TENT2: variants seen among roughly 807,000 people sequenced by gnomAD.
TENT2 encodes poly(A) RNA polymerase GLD2.
TENT2 carries 44 observed loss-of-function variants against 72.2 expected under a neutral mutation model. The observed-to-expected ratio is 0.61, with a 90% confidence interval of 0.48 to 0.78. The LOEUF (loss-of-function observed/expected upper bound fraction) is 0.78, where lower values mean the gene tolerates loss of function less well. Among genes scored for constraint, TENT2 ranks in the 30% least tolerant of loss-of-function variants. The probability of loss-of-function intolerance (pLI) is 0.00; values close to 1 mark genes in which losing one functional copy is unlikely to be tolerated. For missense variants in TENT2, 541 were observed against 569.6 expected (o/e 0.95, Z 0.51); for synonymous variants, 212 against 192.5 (o/e 1.10, Z -0.84).
At chr5:79,684,550 C>T (rs932783374) in intron 14 of TENT2, among the ~76,000 whole-genome samples, 1 of 152,180 alleles carries the variant, frequency 6.6e-6, no homozygotes, top group African/African-American at 2.4e-5. Flanking sequence ...GACACTATAC[C>T]CAGTCTCATA....
intron 6 of TENT2, 89 bp downstream of exon 6, chr5:79,641,285 C>A: frequency 8.6e-7 from 1 of 1,156,690 alleles, no homozygotes; most frequent in Non-Finnish European, 1.2e-6. Flanking sequence ...AAAAAACTTG[C>A]TTTGTTGTGA....
chr5:79,614,999 ACCTT>A (rs1282413451), intron 1 of TENT2: 6 of 152,186 alleles, frequency 3.9e-5, no homozygotes, highest in Non-Finnish European at 7.3e-5. Context: ...CTTGAAGCCT[ACCTT>A]CTTTAAAAAG....
At chr5:79,634,760 T>G (rs183298354) in intron 4 of TENT2, among the ~76,000 whole-genome samples, 1 of 150,570 alleles carries the variant, frequency 6.6e-6, no homozygotes, top group Admixed American at 6.6e-5. Context: ...AATTTTATAA[T>G]GATAGATCTT....
At chr5:79,664,608 AAAG>A (rs1452609948) in intron 11 of TENT2, among the ~76,000 whole-genome samples, 6 of 151,854 alleles carry the variant, frequency 4.0e-5, no homozygotes, top group Non-Finnish European at 5.9e-5. Flanking sequence ...AAAAAAAAAA[AAAG>A]AGGTTAACAA....
At position 79,666,995 on chromosome 5, in the gene TENT2, CTT is replaced by C. The variant is rs541871762; in HGVS notation, c.1072-1895_1072-1894del. ...CTCCCTCAATAAGCATGACCTGACT[CTT>C]TGTGTGTGACCGTGAAAAAGAACAG... On this transcript the variant is annotated intron_variant, in intron 11 of 14. Transcript: ENST00000453514. Among the ~76,000 whole-genome samples, 651 of 152,274 alleles carry C rather than the reference CTT, an allele frequency of 4.3e-3. 3 individuals carry two copies. Among genetic ancestry groups the C allele is most frequent in the African/African-American group, 0.015 (616 of 41,542 alleles).
chr5:79,621,244 GC>G (rs1764552308), intron 3 of TENT2, among the ~76,000 whole-genome samples: 1 of 152,142 alleles, frequency 6.6e-6, no homozygotes, highest in Non-Finnish European at 1.5e-5. Flanking sequence ...TGAGGAGAAA[GC>G]TGACTCACAC....
chr5:79,623,681 A>C, intron 4 of TENT2, 192 bp downstream of exon 4: 1 of 408,188 alleles, frequency 2.4e-6, no homozygotes. Flanking sequence ...ATAGAAATGC[A>C]GCCATCAGGA....
At chr5:79,648,071 A>G (rs1790563148) in intron 8 of TENT2, among the ~76,000 whole-genome samples, 1 of 152,122 alleles carries the variant, frequency 6.6e-6, no homozygotes, top group South Asian at 2.1e-4. Context: ...ATTATTTGAG[A>G]GTGTATAACT....
chr5:79,667,715 T>C lies in TENT2; in HGVS notation c.1072-1177T>C, dbSNP rs1036276985. The stretch of plus-strand genomic sequence containing the variant: ...AGGTAATGGAACAAGGGAGGAGATA[T>C]TTTTGTTTTCTTGCTCCTTTGTTTT... On this transcript the variant is annotated intron_variant, in intron 11 of 14. Coordinates refer to ENST00000453514, the MANE Select transcript of TENT2 (RefSeq NM_001114394.3). Among the ~76,000 whole-genome samples, 7 of 152,138 alleles carry C rather than the reference T, an allele frequency of 4.6e-5. 1 individual carries two copies. The highest frequency in any genetic ancestry group is 3.3e-4 in the Admixed American group (5 of 15,274).
At chr5:79,636,099 C>T (rs113166382) in intron 4 of TENT2, among the ~76,000 whole-genome samples, 2 of 152,242 alleles carry the variant, frequency 1.3e-5, no homozygotes, top group African/African-American at 2.4e-5. Context: ...TTCGCCAACC[C>T]TGCTCTAGGT....
chr5:79,650,753 G>A (rs1793270613), intron 10 of TENT2, among the ~76,000 whole-genome samples: 1 of 152,020 alleles, frequency 6.6e-6, no homozygotes, highest in African/African-American at 2.4e-5. Context: ...TTACAATTTT[G>A]TTAACCTAAT....
chr5:79,687,599 A>T lies in TENT2; in HGVS notation c.*2326A>T, dbSNP rs112731971. On this transcript the variant is annotated 3_prime_UTR_variant, in exon 15 of 15. Transcript: ENST00000453514. ...TTGTTTAGGGAATAATAATGACAAG[A>T]CAAAAAGTCTATACCTGTTCGGTAC... Among the ~76,000 whole-genome samples, 13 of 152,346 alleles carry T rather than the reference A, an allele frequency of 8.5e-5. No homozygotes were observed. The highest frequency in any genetic ancestry group is 3.1e-4 in the African/African-American group (13 of 41,588).
At chr5:79,656,155 A>G (rs1797809617) in intron 10 of TENT2, among the ~76,000 whole-genome samples, 2 of 151,934 alleles carry the variant, frequency 1.3e-5, no homozygotes, top group African/African-American at 4.8e-5. Flanking sequence ...ATTATATTTT[A>G]CAGTTATTTC....
chr5:79,654,751 GAGA>G (rs1256450572), intron 10 of TENT2, among the ~76,000 whole-genome samples: 1 of 149,870 alleles, frequency 6.7e-6, no homozygotes, highest in Non-Finnish European at 1.5e-5. Context: ...GTGACAGAGC[GAGA>G]CCCTGTCTCA....
intron 12 of TENT2, among the ~76,000 whole-genome samples, chr5:79,677,886 A>G (rs1818442119): frequency 6.6e-6 from 1 of 152,024 alleles, no homozygotes; most frequent in African/African-American, 2.4e-5. Context: ...TGCAGCCTCA[A>G]CCTCCCCTTG....
At chr5:79,673,074 T>C (rs756039113) in intron 12 of TENT2, among the ~76,000 whole-genome samples, 7 of 152,244 alleles carry the variant, frequency 4.6e-5, no homozygotes, top group Non-Finnish European at 8.8e-5. Flanking sequence ...ATATACCTCG[T>C]TGCTCTTTGT....
rs1430509141 is a variant in TENT2 at position 79,656,953 on chromosome 5, T to C, written c.1028-5T>C. 13 of 1,598,984 alleles carry C rather than the reference T, an allele frequency of 8.1e-6. No individual in the cohort carries two copies. In the Admixed American group the frequency reaches 2.2e-4, roughly 27 times the overall value. On this transcript the variant is annotated splice_polypyrimidine_tract_variant and splice_region_variant and intron_variant, in intron 10 of 14. Transcript: ENST00000453514. ...ACGGAAGCTTTAAACTTTTTCTTTTTATAGCCCTACCTGAACCCATCCTTC... is the reference window on the plus strand; with the variant it reads ...ACGGAAGCTTTAAACTTTTTCTTTTCATAGCCCTACCTGAACCCATCCTTC...
intron 14 of TENT2, among the ~76,000 whole-genome samples, chr5:79,682,446 A>ATTT (rs397961608): frequency 7.3e-6 from 1 of 136,300 alleles, no homozygotes; most frequent in African/African-American, 2.7e-5. Flanking sequence ...CACCCAGCTA[A>ATTT]TTTTTTTTTT....
At position 79,633,432 on chromosome 5, in the gene TENT2, G is replaced by GTTTTT. The variant is rs539713889; in HGVS notation, c.466-7398_466-7394dup. ...AGGTCTCGGTATTTCCAGCTAAAAA[G>GTTTTT]TTTTTTTTTTTTTTTTTTTTTTTTT... is the stretch of plus-strand genomic sequence containing the variant. On this transcript the variant is annotated intron_variant, in intron 4 of 14. Transcript: ENST00000453514. Among the ~76,000 whole-genome samples, 246 of 80,362 alleles carry GTTTTT rather than the reference G, an allele frequency of 3.1e-3. 4 individuals are homozygous for GTTTTT. The highest frequency in any genetic ancestry group is 4.4e-3 in the Non-Finnish European group (188 of 43,202). 52.7% of individuals were successfully genotyped at this position (80,362 alleles called of 152,430 possible). A position where few individuals can be genotyped will look rare whatever the true frequency, so the allele number is the denominator to read the frequency against.
Sources: gnomAD v4.1 joint callset for allele counts (sites outside exome capture counted in the v4.1 genomes callset) on GRCh38, gnomAD v4.1.1 for gene constraint, MANE v1.5 for transcripts, NCBI Gene and HGNC (gene_info 2026-07-23, HGNC 2026-07-21) for gene names.